LAMC1: variants seen among roughly 807,000 people sequenced by gnomAD.
The protein encoded by LAMC1 is laminin subunit gamma-1.
LAMC1 carries 38 observed loss-of-function variants against 173.6 expected under a neutral mutation model. The observed-to-expected ratio is 0.22, with a 90% CI of 0.17 to 0.29. The LOEUF is 0.29. Ranked by LOEUF, LAMC1 falls within the 10% of genes least tolerant of loss-of-function variation. LAMC1 has a pLI of 1.00. For synonymous variants in LAMC1, 746 were observed against 749.1 expected (o/e 1.00, Z 0.07); for missense variants, 1,824 against 2,051.8 (o/e 0.89, Z 2.14).
Position 183,142,551 on chromosome 1 carries a change from G to T in LAMC1, c.4591G>T (p.Asp1531Tyr). The part of the protein sequence containing the change: ...LEQLGQLDTV[D>Y]LNKLNEIEGT... ...CCCTCCAGGGCAGCTGGATACAGTG[G>T]ACCTGAATAAGCTAAACGAGATTGA... The change falls in exon 28 of 28, where the codon GAC becomes TAC. Residue 1531 changes from aspartate (D) to tyrosine (Y), a missense_variant. Transcript: ENST00000258341. The T allele has an allele frequency of 6.2e-7, 1 of 1,612,760 alleles. No homozygotes were observed. The highest frequency in any genetic ancestry group is 1.1e-5 in the South Asian group (1 of 90,716).
intron 1 of LAMC1, among the ~76,000 whole-genome samples, chr1:183,084,945 G>A (rs1335008186): frequency 6.6e-6 from 1 of 152,140 alleles, no homozygotes; most frequent in African/African-American, 2.4e-5. Flanking sequence ...AGGAAGAAAT[G>A]TAAATTTGGC....
chr1:183,097,357 C>T (rs892778893), intron 1 of LAMC1, among the ~76,000 whole-genome samples: 3 of 152,150 alleles, frequency 2.0e-5, no homozygotes, highest in African/African-American at 7.2e-5. Flanking sequence ...TTTCTGACTT[C>T]CAAAGAGTTA....
intron 2 of LAMC1, among the ~76,000 whole-genome samples, chr1:183,106,298 T>C (rs1451236484): frequency 6.6e-6 from 1 of 152,232 alleles, no homozygotes; most frequent in Non-Finnish European, 1.5e-5. Context: ...CACAGAAATA[T>C]GTTTAGCTAT....
intron 13 of LAMC1, among the ~76,000 whole-genome samples, chr1:183,124,274 A>T (rs1445099534): frequency 2.0e-5 from 3 of 152,176 alleles, no homozygotes; most frequent in South Asian, 2.1e-4. Context: ...TTTTAATATC[A>T]TCTGCCAAAA....
chr1:183,138,780 G>T (rs181015042), intron 26 of LAMC1, among the ~76,000 whole-genome samples: 1 of 152,152 alleles, frequency 6.6e-6, no homozygotes, highest in East Asian at 1.9e-4. Flanking sequence ...GTGTCTGGGC[G>T]CAGTGGTTCA....
intron 14 of LAMC1, chr1:183,125,162 T>G: frequency 1.7e-6 from 1 of 593,168 alleles, no homozygotes; most frequent in Non-Finnish European, 2.9e-6. Context: ...ATAAAAATTG[T>G]TAATGAAATA....
At chr1:183,129,701 CAG>C (rs1278008441) in intron 18 of LAMC1, among the ~76,000 whole-genome samples, 1 of 151,790 alleles carries the variant, frequency 6.6e-6, no homozygotes, top group Non-Finnish European at 1.5e-5. Context: ...TTAATAATAA[CAG>C]ACTTATATTT....
rs759574368 is a variant in LAMC1 at position 183,103,482 on chromosome 1, C to A, written c.573C>A (p.Arg191=). 1.2e-6 allele frequency: 2 copies of A among 1,614,172 alleles called. No individual in the cohort carries two copies. Among genetic ancestry groups the A allele is most frequent in the South Asian group, 2.2e-5 (2 of 91,084 alleles). Reference sequence around the variant, plus strand: ...AGAACACCTACTCCAAGGCAAACCGCGGCTTCATCAGGACAGGAGGGGACG... The same window carrying A: ...AGAACACCTACTCCAAGGCAAACCGAGGCTTCATCAGGACAGGAGGGGACG... ...SCENTYSKAN[R]GFIRTGGDEQ... Residue 191 remains arginine (R), a synonymous_variant, in exon 2 of 28, where the codon CGC becomes CGA. Transcript: ENST00000258341.
intron 1 of LAMC1, among the ~76,000 whole-genome samples, chr1:183,056,535 A>C (rs550460596): frequency 6.6e-6 from 1 of 150,664 alleles, no homozygotes; most frequent in African/African-American, 2.4e-5. Context: ...TCCTCCCCCC[A>C]TCCCCCCGTT....
rs57016259 is a variant in LAMC1, at chr1:183,128,770, G to A, written c.3280+20G>A. ...TCAAAGGTACGCATGATTGAACAGT[G>A]CATGACTTCTGTGAGATGGACCAAT... On this transcript the variant is annotated intron_variant, in intron 18 of 27. Coordinates refer to ENST00000258341, the MANE Select transcript of LAMC1 (RefSeq NM_002293.4). 6.9e-3 allele frequency: 10,851 copies of A among 1,577,334 alleles called. 605 individuals carry two copies. In the African/African-American group the frequency reaches 0.13, roughly 18 times the overall value.
chr1:183,117,757 C>T (rs372402971), intron 10 of LAMC1, 34 bp downstream of exon 10: 91 of 1,562,144 alleles, frequency 5.8e-5, no homozygotes, highest in Middle Eastern at 1.8e-4. Context: ...TGAGACTTGA[C>T]GAACATTGTG....
In LAMC1 at chr1:183,023,688, TCGCCGTGACCCAGCGTG is replaced by T. The variant is rs1329119205; in HGVS notation, c.-26_-10del. On this transcript the variant is annotated 5_prime_UTR_variant, in exon 1 of 28. Coordinates refer to ENST00000258341, the MANE Select transcript of LAMC1 (RefSeq NM_002293.4). ...GAGGAACGCGCCGGTGCCCTTGCCTTCGCCGTGACCCAGCGTGCGGGCGGCGGGATGAGAGGGAGCCA... is the reference window on the plus strand; with the variant it reads ...GAGGAACGCGCCGGTGCCCTTGCCTTCGGGCGGCGGGATGAGAGGGAGCCA... The T allele has an allele frequency of 6.9e-6, 8 of 1,164,348 alleles. No homozygotes were observed. The highest frequency in any genetic ancestry group is 4.7e-5 in the Admixed American group (1 of 21,316). The allele number at this position is 1,164,348 out of a possible 1,614,324, so 72.1% of individuals were successfully genotyped here.
rs553397478 is a variant in LAMC1 at position 183,121,065 on chromosome 1, T to C, written c.1991-658T>C. 1.6e-4 allele frequency among the ~76,000 whole-genome samples: 25 copies of C among 152,300 alleles called. No individual in the cohort carries two copies. The East Asian group carries it at 4.4e-3, about 27-fold the overall frequency. On this transcript the variant is annotated intron_variant, in intron 11 of 27. Coordinates refer to ENST00000258341, the MANE Select transcript of LAMC1 (RefSeq NM_002293.4). The stretch of plus-strand genomic sequence containing the variant: ...ATGATTGTCTGATGCTTTTCATTTT[T>C]CACATTGGTGGGGACTGTAAAATTC...
chr1:183,036,991 G>A (rs1218774132), intron 1 of LAMC1, among the ~76,000 whole-genome samples: 2 of 151,924 alleles, frequency 1.3e-5, no homozygotes, highest in African/African-American at 4.8e-5. Flanking sequence ...GGTCAGGCTG[G>A]CCTCGAACTC....
intron 1 of LAMC1, among the ~76,000 whole-genome samples, chr1:183,073,610 A>C (rs1256926004): frequency 6.6e-6 from 1 of 152,216 alleles, no homozygotes; most frequent in Non-Finnish European, 1.5e-5. Flanking sequence ...TGTTAAGGTC[A>C]AGCCAGTTTG....
At chr1:183,067,383 A>G (rs76430639) in intron 1 of LAMC1, among the ~76,000 whole-genome samples, 2,239 of 152,344 alleles carry the variant, frequency 0.015, 28 homozygotes, top group Middle Eastern at 0.044. Context: ...TGACCACACA[A>G]CTGCAAATTG....
chr1:183,142,398 A>C (rs1241875597), intron 27 of LAMC1, 136 bp from the exon 28 acceptor site: 1 of 861,792 alleles, frequency 1.2e-6, no homozygotes, highest in African/African-American at 1.7e-5. Context: ...TGACATCAAC[A>C]ATCTGCAAGT....
intron 4 of LAMC1, 35 bp from the exon 5 acceptor site, chr1:183,114,496 C>G (rs1656260987): frequency 6.2e-7 from 1 of 1,607,556 alleles, no homozygotes; most frequent in Non-Finnish European, 8.5e-7. Flanking sequence ...TAAAGGTACC[C>G]AGATCTGATG....
chr1:183,124,555 C>CCA, intron 13 of LAMC1, 76 bp from the exon 14 acceptor site: 1 of 1,535,208 alleles, frequency 6.5e-7, no homozygotes, highest in Non-Finnish European at 8.9e-7. Flanking sequence ...CACTAGATTA[C>CCA]CTGTAGCCAG....
Sources: gnomAD v4.1 joint callset for allele counts (sites outside exome capture counted in the v4.1 genomes callset) on GRCh38, gnomAD v4.1.1 for gene constraint, MANE v1.5 for transcripts, NCBI Gene and HGNC (gene_info 2026-07-23, HGNC 2026-07-21) for gene names.